L2HGDH: variants seen among roughly 807,000 people sequenced by gnomAD.
The protein encoded by L2HGDH is L-2-hydroxyglutarate dehydrogenase.
A neutral mutation model predicts 51.5 loss-of-function variants in L2HGDH; 34 were observed. The ratio of observed to expected loss-of-function variants is 0.66; its 90% CI spans 0.50 to 0.88. The LOEUF is 0.88. Among genes scored for constraint, L2HGDH ranks in the 40% least tolerant of loss-of-function variants. The pLI is 0.00. For missense variants in L2HGDH, 558 were observed against 571.9 expected (o/e 0.98, Z 0.25); for synonymous variants, 198 against 197.9 (o/e 1.00, Z -0.01).
In L2HGDH at chr14:50,243,132, C is replaced by T. The variant is rs1566495772; in HGVS notation, c.*3926G>A. ...AATTCTGCCAACAGTAAAGGCAACT[C>T]CCCAAACAGTGCTAATGCTGAGAGG... On this transcript the variant is annotated 3_prime_UTR_variant, in exon 10 of 10. Coordinates refer to ENST00000267436, the MANE Select transcript of L2HGDH (RefSeq NM_024884.3). The T allele has an allele frequency of 2.0e-6, 2 of 985,310 alleles. No individual in the cohort carries two copies. Among genetic ancestry groups the T allele is most frequent in the Non-Finnish European group, 1.2e-6 (1 of 829,948 alleles). 61.0% of individuals were successfully genotyped at this position (985,310 alleles called of 1,614,324 possible).
chr14:50,262,927 C>T (rs1167941891), intron 9 of L2HGDH, among the ~76,000 whole-genome samples: 1 of 152,182 alleles, frequency 6.6e-6, no homozygotes, highest in Non-Finnish European at 1.5e-5. Flanking sequence ...TCCCCAAATG[C>T]ACCTGCCTGC....
chr14:50,294,250 C>T lies in L2HGDH; in HGVS notation c.409-4G>A, dbSNP rs767524925. On this transcript the variant is annotated splice_region_variant and splice_polypyrimidine_tract_variant and intron_variant, in intron 3 of 9. Transcript: ENST00000267436. ...CTTGTTCAACAGCTACTATAAGCTTCAAAAAAAAAAAGGTAAGGAGCATGG... is the reference window on the plus strand; with the variant it reads ...CTTGTTCAACAGCTACTATAAGCTTTAAAAAAAAAAAGGTAAGGAGCATGG... 1 of 787,640 alleles carries T rather than the reference C, an allele frequency of 1.3e-6. No individual in the cohort carries two copies. The highest frequency in any genetic ancestry group is 1.7e-6 in the Non-Finnish European group (1 of 571,488). 48.8% of individuals were successfully genotyped at this position (787,640 alleles called of 1,614,324 possible).
At chr14:50,303,464 A>AG (rs1346242303) in intron 1 of L2HGDH, among the ~76,000 whole-genome samples, 1 of 150,802 alleles carries the variant, frequency 6.6e-6, no homozygotes, top group African/African-American at 2.4e-5. Context: ...TGTATTAAAA[A>AG]AAAAAAACCC....
chr14:50,244,050 T>A lies in L2HGDH; in HGVS notation c.*3008A>T, dbSNP rs1039756647. ...TGGCTGCATAGTATTCCATGGTGTA[T>A]ATGTGCCACATTTTCTTAATCCAGT... On this transcript the variant is annotated 3_prime_UTR_variant, in exon 10 of 10. Transcript: ENST00000267436. 6.6e-6 allele frequency: 1 copy of A among 151,690 alleles called. No homozygotes were observed. Among genetic ancestry groups the A allele is most frequent in the African/African-American group, 2.4e-5 (1 of 41,300 alleles). The allele number at this position is 151,690 out of a possible 1,614,324, so 9.4% of individuals were successfully genotyped here. A position where few individuals can be genotyped will look rare whatever the true frequency, so the allele number is the denominator to read the frequency against.
At chr14:50,270,758 G>A (rs1466820444) in intron 6 of L2HGDH, among the ~76,000 whole-genome samples, 1 of 151,638 alleles carries the variant, frequency 6.6e-6, no homozygotes, top group Non-Finnish European at 1.5e-5. Flanking sequence ...CACCCGCCTC[G>A]GCCTCCCAAA....
At chr14:50,265,142 T>G (rs1406675107) in intron 9 of L2HGDH, among the ~76,000 whole-genome samples, 1 of 152,162 alleles carries the variant, frequency 6.6e-6, no homozygotes, top group African/African-American at 2.4e-5. Flanking sequence ...GTCTAGATAA[T>G]TATAAATGGA....
chr14:50,248,343 T>C (rs1002006944), intron 9 of L2HGDH, among the ~76,000 whole-genome samples: 1 of 152,162 alleles, frequency 6.6e-6, no homozygotes, highest in Non-Finnish European at 1.5e-5. Context: ...CTGGGACAAA[T>C]CAGATAAGTA....
In L2HGDH at chr14:50,245,770, T is replaced by C. The variant is rs1887963566; in HGVS notation, c.*1288A>G. ...TTTTTATGCCATCTTTCTCCAAAAC[T>C]CTTAAAAAGCCAAATCTTCTCTAGG... On this transcript the variant is annotated 3_prime_UTR_variant, in exon 10 of 10. Transcript: ENST00000267436. The C allele has an allele frequency of 2.0e-6, 2 of 985,342 alleles. No homozygotes were observed. The highest frequency in any genetic ancestry group is 2.4e-6 in the Non-Finnish European group (2 of 829,904). The allele number at this position is 985,342 out of a possible 1,614,324, so 61.0% of individuals were successfully genotyped here. A position where few individuals can be genotyped will look rare whatever the true frequency, so the allele number is the denominator to read the frequency against.
chr14:50,308,537 A>G (rs2030866015), intron 1 of L2HGDH, among the ~76,000 whole-genome samples: 2 of 152,260 alleles, frequency 1.3e-5, no homozygotes, highest in Admixed American at 6.5e-5. Context: ...AGAGAAATGT[A>G]AATAAAAACC....
chr14:50,292,767 C>G (rs1204351670), intron 4 of L2HGDH, among the ~76,000 whole-genome samples: 1 of 151,908 alleles, frequency 6.6e-6, no homozygotes, highest in East Asian at 1.9e-4. Context: ...TGCCTGTAAT[C>G]CCAGCTACTA....
chr14:50,286,565 T>C (rs1012751104), intron 4 of L2HGDH, among the ~76,000 whole-genome samples: 3 of 152,184 alleles, frequency 2.0e-5, no homozygotes, highest in African/African-American at 7.2e-5. Context: ...AATATTCCTA[T>C]AGCAGTGGTA....
intron 9 of L2HGDH, among the ~76,000 whole-genome samples, chr14:50,260,014 T>TGAGA (rs1212190935): frequency 2.2e-5 from 3 of 134,584 alleles, no homozygotes; most frequent in Non-Finnish European, 4.8e-5. Flanking sequence ...AGAGAGAGAT[T>TGAGA]GATTGAAGCA....
chr14:50,289,510 A>G (rs957431492), intron 4 of L2HGDH, among the ~76,000 whole-genome samples: 1 of 152,228 alleles, frequency 6.6e-6, no homozygotes, highest in Non-Finnish European at 1.5e-5. Context: ...TTTATTAGAA[A>G]TTCATGATTC....
intron 5 of L2HGDH, among the ~76,000 whole-genome samples, chr14:50,278,797 C>T (rs1441823371): frequency 2.0e-5 from 3 of 152,156 alleles, no homozygotes; most frequent in Non-Finnish European, 1.5e-5. Context: ...AACCATATGC[C>T]ACCTGACCTC....
At chr14:50,283,774 A>G (rs1890406338) in intron 5 of L2HGDH, 97 bp downstream of exon 5, 4 of 1,015,728 alleles carry the variant, frequency 3.9e-6, no homozygotes, top group Non-Finnish European at 6.0e-6. Context: ...TTTTTTTCCC[A>G]AATATTTTTC....
intron 9 of L2HGDH, among the ~76,000 whole-genome samples, chr14:50,257,171 C>T (rs995971176): frequency 3.3e-5 from 5 of 152,084 alleles, no homozygotes; most frequent in Non-Finnish European, 7.4e-5. Context: ...TCAGGTAATC[C>T]ACCCTCCATG....
intron 4 of L2HGDH, chr14:50,287,161 T>C (rs1282382737): frequency 3.1e-6 from 3 of 982,366 alleles, no homozygotes; most frequent in Non-Finnish European, 1.2e-6. Flanking sequence ...CACACATATC[T>C]CACTGACCTC....
intron 6 of L2HGDH, among the ~76,000 whole-genome samples, chr14:50,272,749 G>A (rs1458041703): frequency 6.6e-6 from 1 of 152,176 alleles, no homozygotes; most frequent in Non-Finnish European, 1.5e-5. Context: ...TACAGGTCCT[G>A]CTGGCACACG....
Position 50,242,705 on chromosome 14 carries a change from G to A in L2HGDH, c.*4353C>T. 5.1e-6 allele frequency: 5 copies of A among 985,430 alleles called. No homozygotes were observed. The highest frequency in any genetic ancestry group is 6.0e-6 in the Non-Finnish European group (5 of 829,932). The allele number at this position is 985,430 out of a possible 1,614,324, so 61.0% of individuals were successfully genotyped here. A position where few individuals can be genotyped will look rare whatever the true frequency, so the allele number is the denominator to read the frequency against. ...ACCCTGTCCTTCTACCTTAAGCCCT[G>A]ATGAAGAGATTTCAAAAACTCCCTT... On this transcript the variant is annotated 3_prime_UTR_variant, in exon 10 of 10. Coordinates refer to ENST00000267436, the MANE Select transcript of L2HGDH (RefSeq NM_024884.3).
Sources: gnomAD v4.1 joint callset for allele counts (sites outside exome capture counted in the v4.1 genomes callset) on GRCh38, gnomAD v4.1.1 for gene constraint, MANE v1.5 for transcripts, NCBI Gene and HGNC (gene_info 2026-07-23, HGNC 2026-07-21) for gene names.